Variants in ACAA1 observed in about 807,000 individuals in gnomAD.
ACAA1 encodes the protein acetyl-CoA acyltransferase 1.
ACAA1 carries 44 observed loss-of-function variants against 48.8 expected under a neutral mutation model. The observed-to-expected ratio is 0.90, with a 90% CI of 0.71 to 1.16. The LOEUF (loss-of-function observed/expected upper bound fraction) is 1.16, where lower values mean the gene tolerates loss of function less well. Ranked by LOEUF, ACAA1 falls within the 50% of genes most tolerant of loss-of-function variation. The probability of loss-of-function intolerance (pLI) is 0.00; values close to 1 mark genes in which losing one functional copy is unlikely to be tolerated. For missense variants in ACAA1, 512 were observed against 562.3 expected (o/e 0.91, Z 0.90); for synonymous variants, 233 against 226.5 (o/e 1.03, Z -0.26).
chr3:38,132,365 T>C (rs181527733), intron 3 of ACAA1: 229 of 166,150 alleles, frequency 1.4e-3, no homozygotes, highest in Middle Eastern at 3.0e-3. Context: ...TGTGTATCTC[T>C]GTTTCCCCCA....
chr3:38,133,809 C>T, intron 3 of ACAA1, 143 bp downstream of exon 3: 1 of 782,336 alleles, frequency 1.3e-6, no homozygotes, highest in Non-Finnish European at 2.2e-6. Flanking sequence ...GTTGAGTCCA[C>T]AAGAGCAGGG....
chr3:38,136,528 G>A (rs1440378955), intron 2 of ACAA1, 64 bp downstream of exon 2: 4 of 1,584,316 alleles, frequency 2.5e-6, no homozygotes, highest in Non-Finnish European at 3.5e-6. Context: ...GGGGAGGTGA[G>A]GAGAGCTCTG....
In ACAA1 at chr3:38,132,128, C is replaced by A. The variant is rs562195228; in HGVS notation, c.324-123G>T. The stretch of plus-strand genomic sequence containing the variant: ...GTAAAGGGCAGGGGAACAAACCCAG[C>A]AGCTCTGCTCCCATGCCAGGCCAGA... On this transcript the variant is annotated intron_variant, in intron 3 of 11. Coordinates refer to ENST00000333167, the MANE Select transcript of ACAA1 (RefSeq NM_001607.4). The A allele has an allele frequency of 1.1e-3, 892 of 779,966 alleles. 2 individuals are homozygous for A. Among genetic ancestry groups the A allele is most frequent in the Middle Eastern group, 4.4e-3 (18 of 4,062 alleles). The allele number at this position is 779,966 out of a possible 1,614,324, so 48.3% of individuals were successfully genotyped here.
In ACAA1 at chr3:38,134,173, C is replaced by T. The variant is rs565704726; in HGVS notation, c.266-164G>A. 7.6e-6 allele frequency: 5 copies of T among 658,570 alleles called. No individual in the cohort carries two copies. In the Admixed American group the frequency reaches 1.2e-4, roughly 16 times the overall value. 40.8% of individuals were successfully genotyped at this position (658,570 alleles called of 1,614,324 possible). On this transcript the variant is annotated intron_variant, in intron 2 of 11. Transcript: ENST00000333167. Reference sequence around the variant, plus strand: ...ACATCAGGGTTTGGGGCAGGGAGAGCCAGCCATACAACAGCTTGTCCTGGT... The same window carrying T: ...ACATCAGGGTTTGGGGCAGGGAGAGTCAGCCATACAACAGCTTGTCCTGGT...
chr3:38,132,111 C>A, intron 3 of ACAA1, 106 bp from the exon 4 acceptor site: 1 of 1,005,454 alleles, frequency 9.9e-7, no homozygotes. Context: ...ATGTAAAGGG[C>A]AGGGGAACAA....
intron 11 of ACAA1, chr3:38,123,870 A>G (rs1700606624): frequency 6.6e-6 from 1 of 151,998 alleles, no homozygotes; most frequent in Non-Finnish European, 1.5e-5. Flanking sequence ...GTGTGGTGGC[A>G]GACACCTATA....
In ACAA1 at chr3:38,131,879, C is replaced by CA. The variant is rs1553627275; in HGVS notation, c.403+46dup. 1.9e-6 allele frequency: 3 copies of CA among 1,563,314 alleles called. No individual in the cohort carries two copies. The East Asian group carries it at 6.7e-5, about 35-fold the overall frequency. ...CCGGCAGACAGCGACTTTGCTGACCCAAACCCACAGGTCCAGGACCAAGGC... is the reference window on the plus strand; with the variant it reads ...CCGGCAGACAGCGACTTTGCTGACCCAAAACCCACAGGTCCAGGACCAAGGC... On this transcript the variant is annotated intron_variant, in intron 4 of 11. Coordinates refer to ENST00000333167, the MANE Select transcript of ACAA1 (RefSeq NM_001607.4).
intron 11 of ACAA1, 24 bp downstream of exon 11, chr3:38,125,541 C>G (rs773318353): frequency 6.6e-7 from 1 of 1,521,322 alleles, no homozygotes; most frequent in East Asian, 2.3e-5. Flanking sequence ...CCCTATGACC[C>G]CACCGCCAGG....
Position 38,127,873 on chromosome 3 carries a change from C to T in ACAA1, c.546-7G>A. 6.2e-7 allele frequency: 1 copy of T among 1,614,140 alleles called. No homozygotes were observed. The highest frequency in any genetic ancestry group is 8.5e-7 in the Non-Finnish European group (1 of 1,180,002). On this transcript the variant is annotated splice_polypyrimidine_tract_variant and splice_region_variant and intron_variant, in intron 6 of 11. Transcript: ENST00000333167. Reference sequence around the variant, plus strand: ...CACATTCTCAGAGGTTATCCTAGAACACAAACAGCAGATAGTGTGGGCATT... The same window carrying T: ...CACATTCTCAGAGGTTATCCTAGAATACAAACAGCAGATAGTGTGGGCATT...
intron 3 of ACAA1, 145 bp downstream of exon 3, chr3:38,133,807 C>T: frequency 7.8e-6 from 6 of 768,770 alleles, no homozygotes; most frequent in Non-Finnish European, 1.3e-5. Flanking sequence ...AGGTTGAGTC[C>T]ACAAGAGCAG....
chr3:38,127,527 C>T (rs943162467), intron 7 of ACAA1: 1 of 530,374 alleles, frequency 1.9e-6, no homozygotes, highest in Non-Finnish European at 3.4e-6. Flanking sequence ...AAACCGCAGC[C>T]AGAAAATAAC....
At chr3:38,134,965 G>A (rs1034295579) in intron 2 of ACAA1, among the ~76,000 whole-genome samples, 11 of 152,142 alleles carry the variant, frequency 7.2e-5, no homozygotes, top group Non-Finnish European at 5.9e-5. Flanking sequence ...CCCTGGGAAC[G>A]GAATGTCTCG....
chr3:38,124,530 C>G (rs1031093379), intron 11 of ACAA1: 2 of 152,188 alleles, frequency 1.3e-5, no homozygotes, highest in Non-Finnish European at 2.9e-5. Flanking sequence ...TTGCTTGAGT[C>G]AGGGAAGCAG....
Position 38,126,778 on chromosome 3 carries a change from G to C in ACAA1, c.627-78C>G, listed in dbSNP as rs945176125. The C allele has an allele frequency of 1.3e-6, 2 of 1,558,394 alleles. No individual in the cohort carries two copies. The highest frequency in any genetic ancestry group is 2.7e-5 in the African/African-American group (2 of 73,792). ...CCTGCCCCCAACCCCTATCCATTTG[G>C]GTAGACACAAGCTCAGGCTGCTAAA... On this transcript the variant is annotated intron_variant, in intron 7 of 11. Coordinates refer to ENST00000333167, the MANE Select transcript of ACAA1 (RefSeq NM_001607.4). This position sits in a 1 kb window ranked among gnomAD's most constrained non-coding sequence, Gnocchi z 4.7.
At position 38,125,918 on chromosome 3, in the gene ACAA1, C is replaced by T. The variant is rs767961716; in HGVS notation, c.998-37G>A. The T allele has an allele frequency of 3.7e-6, 6 of 1,613,512 alleles. No individual in the cohort carries two copies. In the South Asian group the frequency reaches 6.6e-5, roughly 18 times the overall value. On this transcript the variant is annotated intron_variant, in intron 9 of 11. Coordinates refer to ENST00000333167, the MANE Select transcript of ACAA1 (RefSeq NM_001607.4). ...GTAAAGACCTGAGCTGACACACTGG[C>T]CCTCTGCCTCCCCTGGGGCCCACCC...
intron 2 of ACAA1, among the ~76,000 whole-genome samples, chr3:38,134,789 T>G (rs1700856326): frequency 1.3e-5 from 2 of 152,214 alleles, no homozygotes; most frequent in African/African-American, 4.8e-5. Flanking sequence ...CAGGGACCTC[T>G]GCCCAAGAAA....
Position 38,136,573 on chromosome 3 carries a change from G to A in ACAA1, c.265+19C>T. Reference sequence around the variant, plus strand: ...AAGAACGGGGAAGGCCCAGCGCAGGGCCTGAGTGGTTCGCTCACCGACACA... The same window carrying A: ...AAGAACGGGGAAGGCCCAGCGCAGGACCTGAGTGGTTCGCTCACCGACACA... On this transcript the variant is annotated intron_variant, in intron 2 of 11. Transcript: ENST00000333167. 1 of 1,613,482 alleles carries A rather than the reference G, an allele frequency of 6.2e-7. No homozygotes were observed. The highest frequency in any genetic ancestry group is 8.5e-7 in the Non-Finnish European group (1 of 1,179,640).
At chr3:38,123,559 C>G (rs1212602486) in intron 11 of ACAA1, 1 of 171,066 alleles carries the variant, frequency 5.8e-6, no homozygotes, top group Admixed American at 6.1e-5. Flanking sequence ...ATTTGGAAGC[C>G]TGGCCTGGTG....
In ACAA1 at chr3:38,130,843, C is replaced by T. The variant is rs104650; in HGVS notation, c.446+753G>A. On this transcript the variant is annotated intron_variant, in intron 5 of 11. Transcript: ENST00000333167. ...AGCCCTGGGACAGGGGCCAGCAATG[C>T]GTCCTCTCAAGAAATACCCTAAAGA... is the stretch of plus-strand genomic sequence containing the variant. Among the ~76,000 whole-genome samples the T allele has an allele frequency of 4.2e-3, 634 of 152,326 alleles. 1 individual carries two copies. The highest frequency in any genetic ancestry group is 7.3e-3 in the Non-Finnish European group (497 of 68,024).
Sources: gnomAD v4.1 joint callset for allele counts (sites outside exome capture counted in the v4.1 genomes callset) on GRCh38, gnomAD v4.1.1 for gene constraint, Gnocchi (gnomAD v3.1) non-coding constraint, MANE v1.5 for transcripts, NCBI Gene and HGNC (gene_info 2026-07-23, HGNC 2026-07-21) for gene names.